Variants in DUS4L observed in about 807,000 individuals in gnomAD.
DUS4L encodes the protein tRNA-dihydrouridine(20a/20b) synthase [NAD(P)+]-like.
In DUS4L, 31 loss-of-function variants were observed where a neutral mutation model predicts 33.8. That is an observed-to-expected ratio of 0.92 (90% CI 0.69 to 1.24). The LOEUF is 1.24. Among genes scored for constraint, DUS4L ranks in the 50% most tolerant of loss-of-function variants. The probability of loss-of-function intolerance (pLI) is 0.00; values close to 1 mark genes in which losing one functional copy is unlikely to be tolerated. For missense variants in DUS4L, 368 were observed against 388.6 expected, an observed-to-expected ratio of 0.95 and a Z score of 0.45; for synonymous variants, 103 against 120.3, an observed-to-expected ratio of 0.86 and a Z score of 0.94.
At chr7:107,565,698 A>G (rs1449483672) in intron 2 of DUS4L, among the ~76,000 whole-genome samples, 1 of 151,990 alleles carries the variant, frequency 6.6e-6, no homozygotes, top group Non-Finnish European at 1.5e-5. Flanking sequence ...TGATTTTTAT[A>G]ATTTTTTTAG....
chr7:107,574,822 T>C, intron 5 of DUS4L: 1 of 294,798 alleles, frequency 3.4e-6, no homozygotes, highest in Non-Finnish European at 6.4e-6. Context: ...GCCAAAAATA[T>C]CTTTCTACTA....
Position 107,578,489 on chromosome 7 carries a change from G to A in DUS4L, c.*929G>A, listed in dbSNP as rs1309288247. ...AATTATGTAAAACTGTTTAATTCAC[G>A]TTTGGGAATATTGAATGAATCCATT... On this transcript the variant is annotated 3_prime_UTR_variant, in exon 8 of 8. Coordinates refer to ENST00000265720, the MANE Select transcript of DUS4L (RefSeq NM_181581.3). The A allele has an allele frequency of 2.0e-5, 3 of 152,068 alleles. 1 individual carries two copies. Among genetic ancestry groups the A allele is most frequent in the South Asian group, 4.1e-4 (2 of 4,822 alleles). The allele number at this position is 152,068 out of a possible 1,614,324, so 9.4% of individuals were successfully genotyped here. A position where few individuals can be genotyped will look rare whatever the true frequency, so the allele number is the denominator to read the frequency against.
chr7:107,567,663 T>G, intron 3 of DUS4L: 1 of 320,784 alleles, frequency 3.1e-6, no homozygotes, highest in South Asian at 2.7e-5. Flanking sequence ...ACATAAAATT[T>G]ACCTCTCGAT....
chr7:107,575,004 T>G, intron 5 of DUS4L, 184 bp from the exon 6 acceptor site: 1 of 730,388 alleles, frequency 1.4e-6, no homozygotes, highest in South Asian at 1.8e-5. Context: ...CTTTTTGATC[T>G]GGGAACATGT....
At chr7:107,567,850 A>G (rs1321099454) in intron 3 of DUS4L, 2 of 414,040 alleles carry the variant, frequency 4.8e-6, no homozygotes, top group Non-Finnish European at 9.6e-6. Flanking sequence ...TCCCTCTATG[A>G]ACTTCACTAC....
chr7:107,565,550 G>A (rs992502374), intron 2 of DUS4L, among the ~76,000 whole-genome samples: 4 of 152,092 alleles, frequency 2.6e-5, no homozygotes, highest in Non-Finnish European at 5.9e-5. Context: ...TTGAGTTGGG[G>A]TCTAGCTCTG....
At chr7:107,566,754 T>G (rs972791647) in intron 2 of DUS4L, among the ~76,000 whole-genome samples, 1 of 152,084 alleles carries the variant, frequency 6.6e-6, no homozygotes, top group African/African-American at 2.4e-5. Context: ...GTAAAAAATT[T>G]TTAAATAACA....
chr7:107,573,570 AT>A, intron 4 of DUS4L, 133 bp from the exon 5 acceptor site: 1 of 760,520 alleles, frequency 1.3e-6, no homozygotes, highest in Non-Finnish European at 1.9e-6. Context: ...TTAATGTTAT[AT>A]TATTTGGACA....
chr7:107,574,402 G>A (rs1413947286), intron 5 of DUS4L, among the ~76,000 whole-genome samples: 7 of 144,982 alleles, frequency 4.8e-5, no homozygotes, highest in Non-Finnish European at 1.5e-5. Flanking sequence ...GCAGTGGTGT[G>A]GTCTCGGCTC....
intron 4 of DUS4L, among the ~76,000 whole-genome samples, chr7:107,572,704 G>A (rs531486346): frequency 6.6e-6 from 1 of 152,096 alleles, no homozygotes; most frequent in Non-Finnish European, 1.5e-5. Context: ...GCAAAAATTG[G>A]CTGGCCATGG....
In DUS4L at chr7:107,567,158, GTC is replaced by G; in HGVS notation, c.90_91del (p.Ala32ProfsTer11). The G allele has an allele frequency of 6.2e-7, 1 of 1,613,458 alleles. No individual in the cohort carries two copies. The highest frequency in any genetic ancestry group is 8.5e-7 in the Non-Finnish European group (1 of 1,179,626). ...EMFHSGQLVKVCAPMVRYSKL... is the reference protein window; with the variant it reads ...EMFHSGQLVKXCAPMVRYSKL... ...GTTTCATTCTGGACAGCTGGTAAAA[GTC>G]TGTGCCCCAATGGTTCGATATTCAA... On this transcript the variant is annotated frameshift_variant, in exon 3 of 8. Transcript: ENST00000265720. LOFTEE classifies it high-confidence loss of function.
intron 2 of DUS4L, among the ~76,000 whole-genome samples, chr7:107,564,995 C>T (rs975614463): frequency 6.6e-6 from 1 of 152,174 alleles, no homozygotes; most frequent in Non-Finnish European, 1.5e-5. Context: ...CTCATAACAC[C>T]TCAGGTAAGC....
chr7:107,567,061 A>G lies in DUS4L; in HGVS notation c.-10A>G, dbSNP rs777299916. 11 of 1,602,166 alleles carry G rather than the reference A, an allele frequency of 6.9e-6. No homozygotes were observed. The highest frequency in any genetic ancestry group is 1.7e-5 in the Admixed American group (1 of 59,086). ...ATTGTCTTTTTCAGATTTGAAACATATCTGTATTAATGAAGAGTGACTGCA... is the reference window on the plus strand; with the variant it reads ...ATTGTCTTTTTCAGATTTGAAACATGTCTGTATTAATGAAGAGTGACTGCA... On this transcript the variant is annotated 5_prime_UTR_variant, in exon 3 of 8. It adds an upstream start codon to the 5' untranslated region. Transcript: ENST00000265720.
rs1805870768 is a variant in DUS4L at position 107,577,616 on chromosome 7, A to G, written c.*56A>G. 4 of 1,548,232 alleles carry G rather than the reference A, an allele frequency of 2.6e-6. No individual in the cohort carries two copies. The highest frequency in any genetic ancestry group is 3.5e-6 in the Non-Finnish European group (4 of 1,144,322). On this transcript the variant is annotated 3_prime_UTR_variant, in exon 8 of 8. Transcript: ENST00000265720. The stretch of plus-strand genomic sequence containing the variant: ...TTTTAGACCCACAGTGAAACCACAG[A>G]AGGTCATATTTTGTACCTTAAACCA...
chr7:107,577,486 GA>G lies in DUS4L; in HGVS notation c.886del (p.Arg296GlyfsTer13). ...GATGGAAAAGATAACTTCAAGGCAGGAAAAAAGGGTATTTAATGCTCTGTCA... is the reference window on the plus strand; with the variant it reads ...GATGGAAAAGATAACTTCAAGGCAGGAAAAAGGGTATTTAATGCTCTGTCA... The part of the protein sequence containing the change: ...YMMEKITSRQ[E>X]KRVFNALSST... On this transcript the variant is annotated frameshift_variant, in exon 8 of 8. Coordinates refer to ENST00000265720, the MANE Select transcript of DUS4L (RefSeq NM_181581.3). LOFTEE classifies it high-confidence loss of function. The G allele has an allele frequency of 6.2e-7, 1 of 1,612,702 alleles. No individual in the cohort carries two copies. The highest frequency in any genetic ancestry group is 8.5e-7 in the Non-Finnish European group (1 of 1,179,542).
chr7:107,577,632 C>A lies in DUS4L; in HGVS notation c.*72C>A. ...AAACCACAGAAGGTCATATTTTGTACCTTAAACCAGTAGCTCTCAAATTTT... is the reference window on the plus strand; with the variant it reads ...AAACCACAGAAGGTCATATTTTGTAACTTAAACCAGTAGCTCTCAAATTTT... On this transcript the variant is annotated 3_prime_UTR_variant, in exon 8 of 8. Coordinates refer to ENST00000265720, the MANE Select transcript of DUS4L (RefSeq NM_181581.3). The A allele has an allele frequency of 6.8e-7, 1 of 1,478,722 alleles. No homozygotes were observed. The highest frequency in any genetic ancestry group is 9.1e-7 in the Non-Finnish European group (1 of 1,104,110). The allele number at this position is 1,478,722 out of a possible 1,614,324, so 91.6% of individuals were successfully genotyped here.
intron 3 of DUS4L, among the ~76,000 whole-genome samples, chr7:107,569,293 T>C (rs1312775516): frequency 1.3e-5 from 2 of 152,240 alleles, no homozygotes; most frequent in Admixed American, 1.3e-4. Context: ...GTTCCATTGA[T>C]CTTGTATCTT....
At chr7:107,569,656 T>C (rs976226837) in intron 3 of DUS4L, among the ~76,000 whole-genome samples, 6 of 152,356 alleles carry the variant, frequency 3.9e-5, no homozygotes, top group South Asian at 2.1e-4. Context: ...GCACATGTTT[T>C]GTAAGACACC....
chr7:107,564,560 C>T (rs774660926), intron 1 of DUS4L, 28 bp from the exon 2 acceptor site: 3 of 152,840 alleles, frequency 2.0e-5, no homozygotes, highest in Admixed American at 2.0e-4. Flanking sequence ...AGACCTTTGA[C>T]CTTTTGCCTT....
Sources: allele counts gnomAD v4.1 joint callset (sites outside exome capture counted in the v4.1 genomes callset), GRCh38; gene constraint gnomAD v4.1.1; transcripts MANE v1.5; gene names NCBI Gene and HGNC (gene_info 2026-07-23, HGNC 2026-07-21).